Variants in CDYL observed in about 807,000 individuals in gnomAD.
CDYL encodes chromodomain Y-like protein.
A neutral mutation model predicts 47.3 loss-of-function variants in CDYL; 8 were observed. The observed-to-expected ratio is 0.17, with a 90% confidence interval of 0.10 to 0.31. The LOEUF (loss-of-function observed/expected upper bound fraction) is 0.31. Ranked by LOEUF, CDYL falls within the 10% of genes least tolerant of loss-of-function variation. The pLI, the probability that CDYL is intolerant of heterozygous loss-of-function variation, is 1.00. For synonymous variants in CDYL, 266 were observed against 265.0 expected, an observed-to-expected ratio of 1.00 and a Z score of -0.04; for missense variants, 471 against 701.4, an observed-to-expected ratio of 0.67 and a Z score of 3.71.
chr6:4,839,932 A>AT (rs1249495255), intron 1 of CDYL, among the ~76,000 whole-genome samples: 3 of 151,188 alleles, frequency 2.0e-5, no homozygotes, highest in East Asian at 1.9e-4. Context: ...GAATTTTAGG[A>AT]TTTTTTTTCT....
intron 2 of CDYL, among the ~76,000 whole-genome samples, chr6:4,926,481 T>A (rs1309845470): frequency 7.6e-6 from 1 of 132,280 alleles, no homozygotes; most frequent in Non-Finnish European, 1.6e-5. Context: ...TTGAGACCCT[T>A]CTGCCTTGAA....
intron 2 of CDYL, among the ~76,000 whole-genome samples, chr6:4,734,119 C>T (rs891303365): frequency 6.6e-6 from 1 of 152,072 alleles, no homozygotes; most frequent in Non-Finnish European, 1.5e-5. Context: ...GGATTACAGG[C>T]ATGAGCCACC....
intron 1 of CDYL, among the ~76,000 whole-genome samples, chr6:4,872,324 CTT>C (rs56242830): frequency 0.17 from 20,204 of 121,660 alleles, 2,211 homozygotes; most frequent in African/African-American, 0.35. Context: ...TTTGATTTGG[CTT>C]TTTTTTTTTT....
At chr6:4,860,927 A>G (rs1761151371) in intron 1 of CDYL, among the ~76,000 whole-genome samples, 1 of 151,132 alleles carries the variant, frequency 6.6e-6, no homozygotes, top group Non-Finnish European at 1.5e-5. Context: ...TGCCTTCCCT[A>G]GCCCACTGAC....
rs144144566 is a variant in CDYL at position 4,799,585 on chromosome 6, A to G, written c.24+22778A>G. Among the ~76,000 whole-genome samples, 323 of 152,230 alleles carry G rather than the reference A, an allele frequency of 2.1e-3. 6 individuals carry two copies. The highest frequency in any genetic ancestry group is 0.018 in the East Asian group (91 of 5,190). ...CTCAGCCTCCCAAGTAGCTGGGACT[A>G]TAGGTGTGTGCCACCACACCCAGCT... On this transcript the variant is annotated intron_variant, in intron 1 of 6. Coordinates refer to ENST00000397588, the MANE Select transcript of CDYL (RefSeq NM_004824.4).
intron 1 of CDYL, among the ~76,000 whole-genome samples, chr6:4,707,047 C>T (rs1204262623): frequency 1.3e-5 from 2 of 152,012 alleles, no homozygotes; most frequent in Non-Finnish European, 2.9e-5. Context: ...GTGTTTTCTA[C>T]AATAAGGGCC....
Position 4,943,752 on chromosome 6 carries a change from C to T in CDYL, c.1328C>T (p.Ala443Val). Reference sequence around the variant, plus strand: ...ATGTTTCCCAAGATAATGGGAGGAGCATCTGTGAGTACCTTTTTAAAAAAA... The same window carrying T: ...ATGTTTCCCAAGATAATGGGAGGAGTATCTGTGAGTACCTTTTTAAAAAAA... ...TVMFPKIMGG[A>V]SANEMLLSGR... Residue 443 changes from alanine (A) to valine (V), a missense_variant, in exon 5 of 7, where the codon GCA becomes GTA. Ala to Val is a moderately conservative substitution (Grantham distance 64). Transcript: ENST00000397588. 1 of 1,501,764 alleles carries T rather than the reference C, an allele frequency of 6.7e-7. No individual in the cohort carries two copies. Among genetic ancestry groups the T allele is most frequent in the Non-Finnish European group, 9.0e-7 (1 of 1,108,720 alleles). The allele number at this position is 1,501,764 out of a possible 1,614,324, so 93.0% of individuals were successfully genotyped here.
At chr6:4,906,993 A>G (rs1484519643) in intron 2 of CDYL, among the ~76,000 whole-genome samples, 1 of 152,216 alleles carries the variant, frequency 6.6e-6, no homozygotes, top group Admixed American at 6.5e-5. Context: ...AGTTTTCACA[A>G]GGGGTTTTCT....
intron 1 of CDYL, among the ~76,000 whole-genome samples, chr6:4,804,950 G>A: frequency 6.6e-6 from 1 of 151,950 alleles, no homozygotes; most frequent in East Asian, 1.9e-4. Context: ...GGTTACACTT[G>A]TTTTAAATAA....
intron 2 of CDYL, among the ~76,000 whole-genome samples, chr6:4,895,249 A>G (rs57738985): frequency 9.4e-6 from 1 of 106,400 alleles, no homozygotes; most frequent in African/African-American, 4.2e-5. Context: ...ACAGATGTGT[A>G]TATATGTGCA....
intron 1 of CDYL, among the ~76,000 whole-genome samples, chr6:4,783,246 C>T (rs1758664322): frequency 6.9e-6 from 1 of 144,382 alleles, no homozygotes; most frequent in Non-Finnish European, 1.5e-5. Flanking sequence ...GGAAAAGTTT[C>T]TAGGTTTTTT....
At chr6:4,820,434 CACGGTAAAGAG>C (rs534663292) in intron 1 of CDYL, among the ~76,000 whole-genome samples, 95 of 152,186 alleles carry the variant, frequency 6.2e-4, no homozygotes, top group African/African-American at 2.2e-3. Flanking sequence ...CAGCTTGTAC[CACGGTAAAGAG>C]ATGGGTTCCT....
At chr6:4,795,152 TTA>T (rs1491482298) in intron 1 of CDYL, among the ~76,000 whole-genome samples, 11 of 149,496 alleles carry the variant, frequency 7.4e-5, no homozygotes, top group African/African-American at 2.7e-4. Flanking sequence ...ATGCTCTTTT[TTA>T]AAAAAAAAAA....
chr6:4,921,651 T>C (rs972337971), intron 2 of CDYL, among the ~76,000 whole-genome samples: 1 of 152,204 alleles, frequency 6.6e-6, no homozygotes, highest in Non-Finnish European at 1.5e-5. Context: ...TTTAACTTGG[T>C]ATTTAACCCT....
At chr6:4,849,585 C>T (rs1158816819) in intron 1 of CDYL, among the ~76,000 whole-genome samples, 1 of 151,808 alleles carries the variant, frequency 6.6e-6, no homozygotes, top group East Asian at 1.9e-4. Context: ...TCTTTCTCCA[C>T]TGCTTTTGCA....
chr6:4,930,649 G>C (rs1561715128), intron 2 of CDYL, among the ~76,000 whole-genome samples: 2 of 152,256 alleles, frequency 1.3e-5, no homozygotes, highest in Non-Finnish European at 2.9e-5. Context: ...TAGGTGGGAA[G>C]AGGGTGTCAC....
At chr6:4,762,624 A>C (rs1198095846) in intron 3 of CDYL, among the ~76,000 whole-genome samples, 2 of 145,598 alleles carry the variant, frequency 1.4e-5, no homozygotes, top group Non-Finnish European at 3.0e-5. Flanking sequence ...AATCAAAAGG[A>C]TATTCCAGAT....
intron 1 of CDYL, among the ~76,000 whole-genome samples, chr6:4,815,693 T>TTTTTA (rs1554099918): frequency 2.1e-5 from 3 of 141,906 alleles, no homozygotes; most frequent in African/African-American, 7.9e-5. Context: ...TTTTTTTTTT[T>TTTTTA]ACCTTTTTTT....
At chr6:4,877,131 G>A (rs1266296674) in intron 1 of CDYL, among the ~76,000 whole-genome samples, 1 of 152,198 alleles carries the variant, frequency 6.6e-6, no homozygotes, top group African/African-American at 2.4e-5. Flanking sequence ...TATTGTTTAT[G>A]AATTACCCAG....
Sources: gnomAD v4.1 joint callset for allele counts (sites outside exome capture counted in the v4.1 genomes callset) on GRCh38, gnomAD v4.1.1 for gene constraint, MANE v1.5 for transcripts, NCBI Gene and HGNC (gene_info 2026-07-23, HGNC 2026-07-21) for gene names.